Variants in SLC24A3 observed in about 807,000 individuals in gnomAD.
SLC24A3 encodes the protein solute carrier family 24 member 3, also known as sodium/potassium/calcium exchanger 3.
A neutral mutation model predicts 75.8 loss-of-function variants in SLC24A3; 28 were observed. The observed-to-expected ratio is 0.37, with a 90% CI of 0.27 to 0.51. The LOEUF is 0.51. SLC24A3 is among the 20% of genes least tolerant of loss of function. The pLI is 0.94. For missense variants in SLC24A3, 663 were observed against 847.8 expected, an observed-to-expected ratio of 0.78 and a Z score of 2.71; for synonymous variants, 372 against 334.1, an observed-to-expected ratio of 1.11 and a Z score of -1.24.
intron 3 of SLC24A3, among the ~76,000 whole-genome samples, chr20:19,539,382 A>T (rs2030457030): frequency 6.6e-6 from 1 of 152,000 alleles, no homozygotes; most frequent in South Asian, 2.1e-4. Flanking sequence ...GGGTTCCTTC[A>T]CACCTTCCAA....
At chr20:19,469,716 C>T (rs528526342) in intron 2 of SLC24A3, among the ~76,000 whole-genome samples, 47 of 152,318 alleles carry the variant, frequency 3.1e-4, no homozygotes, top group African/African-American at 1.1e-3. Context: ...AATCCATTCT[C>T]GTGCTAGTCT....
At chr20:19,340,056 T>G (rs1372417419) in intron 2 of SLC24A3, among the ~76,000 whole-genome samples, 5 of 152,122 alleles carry the variant, frequency 3.3e-5, no homozygotes, top group Non-Finnish European at 2.9e-5. Flanking sequence ...TTTGGGATGG[T>G]GTTGTGGATT....
At chr20:19,482,066 T>C (rs1440173878) in intron 2 of SLC24A3, among the ~76,000 whole-genome samples, 2 of 152,208 alleles carry the variant, frequency 1.3e-5, no homozygotes, top group African/African-American at 2.4e-5. Flanking sequence ...TGTTGCTTCA[T>C]TGGCCTCCAA....
chr20:19,462,701 C>G lies in SLC24A3; in HGVS notation c.272-52787C>G, dbSNP rs376041633. Among the ~76,000 whole-genome samples the G allele has an allele frequency of 3.9e-4, 60 of 152,190 alleles. 1 individual carries two copies. The East Asian group carries it at 8.3e-3, about 21-fold the overall frequency. ...GGCTTCTGTCCAGCCAGAGAGAGGC[C>G]CAGGACACAGCCGAGGCTTCTCATT... On this transcript the variant is annotated intron_variant, in intron 2 of 16. Transcript: ENST00000328041.
At chr20:19,463,195 CTT>C (rs905692498) in intron 2 of SLC24A3, among the ~76,000 whole-genome samples, 2 of 152,204 alleles carry the variant, frequency 1.3e-5, no homozygotes, top group African/African-American at 2.4e-5. Flanking sequence ...TTAGACTTCT[CTT>C]ATGAGGCACT....
At chr20:19,449,659 TGAGAACTTCTTCCTGG>T (rs1287642016) in intron 2 of SLC24A3, among the ~76,000 whole-genome samples, 1 of 152,166 alleles carries the variant, frequency 6.6e-6, no homozygotes, top group East Asian at 1.9e-4. Context: ...ATGAGATGAA[TGAGAACTTCTTCCTGG>T]GCAGTCATGT....
chr20:19,620,247 A>G (rs1471812334), intron 6 of SLC24A3, among the ~76,000 whole-genome samples: 1 of 152,222 alleles, frequency 6.6e-6, no homozygotes, highest in Non-Finnish European at 1.5e-5. Flanking sequence ...AATAAGATTA[A>G]ACGATTACTC....
chr20:19,329,934 C>T (rs1007983806), intron 2 of SLC24A3, among the ~76,000 whole-genome samples: 2 of 152,148 alleles, frequency 1.3e-5, no homozygotes, highest in African/African-American at 4.8e-5. Flanking sequence ...TTGCTTGTTC[C>T]AGGTTGGAGG....
At chr20:19,438,100 C>T (rs1472815453) in intron 2 of SLC24A3, among the ~76,000 whole-genome samples, 1 of 152,074 alleles carries the variant, frequency 6.6e-6, no homozygotes, top group Non-Finnish European at 1.5e-5. Flanking sequence ...AACCCAGGGC[C>T]CCTGTGTTTT....
intron 6 of SLC24A3, among the ~76,000 whole-genome samples, chr20:19,607,277 C>T (rs2031609471): frequency 6.6e-6 from 1 of 152,156 alleles, no homozygotes; most frequent in South Asian, 2.1e-4. Flanking sequence ...TCTTTTCTCA[C>T]CCCAAATGGT....
chr20:19,331,471 A>C (rs1984998890), intron 2 of SLC24A3, among the ~76,000 whole-genome samples: 1 of 136,460 alleles, frequency 7.3e-6, no homozygotes, highest in Non-Finnish European at 1.5e-5. Flanking sequence ...GAGATAATAG[A>C]TAGAGATAGA....
rs1986381633 is a variant in SLC24A3, at chr20:19,392,355, C to T, written c.271+111268C>T. Among the ~76,000 whole-genome samples, 3 of 152,152 alleles carry T rather than the reference C, an allele frequency of 2.0e-5. No homozygotes were observed. In the South Asian group the frequency reaches 6.2e-4, roughly 32 times the overall value. On this transcript the variant is annotated intron_variant, in intron 2 of 16. Coordinates refer to ENST00000328041, the MANE Select transcript of SLC24A3 (RefSeq NM_020689.4). ...TCAAATGCCTCAAAGCACATGGATT[C>T]CAGCATGTTCTATTAGCGTTTCTTG...
chr20:19,425,913 C>T (rs180907878), intron 2 of SLC24A3, among the ~76,000 whole-genome samples: 41 of 152,272 alleles, frequency 2.7e-4, no homozygotes, highest in African/African-American at 8.7e-4. Flanking sequence ...CTCAGTTTTG[C>T]GCACTTCCAG....
rs564151403 is a variant in SLC24A3 at position 19,216,817 on chromosome 20, A to G, written c.142+3833A>G. Reference sequence around the variant, plus strand: ...AACAGCCACTTAATTTTTTTTGCTTATGGATACTTTGGGTCAGGAATTTGG... The same window carrying G: ...AACAGCCACTTAATTTTTTTTGCTTGTGGATACTTTGGGTCAGGAATTTGG... On this transcript the variant is annotated intron_variant, in intron 1 of 16. Transcript: ENST00000328041. 3.9e-5 allele frequency among the ~76,000 whole-genome samples: 6 copies of G among 152,152 alleles called. No individual in the cohort carries two copies. In the South Asian group the frequency reaches 1.2e-3, roughly 32 times the overall value.
At chr20:19,340,064 A>T (rs1237119741) in intron 2 of SLC24A3, among the ~76,000 whole-genome samples, 2 of 152,154 alleles carry the variant, frequency 1.3e-5, no homozygotes, top group Non-Finnish European at 2.9e-5. Context: ...GGTGTTGTGG[A>T]TTGAATTGTG....
intron 15 of SLC24A3, among the ~76,000 whole-genome samples, chr20:19,715,269 G>A (rs193270081): frequency 3.0e-4 from 45 of 152,294 alleles, no homozygotes; most frequent in African/African-American, 1.1e-3. Flanking sequence ...AGTCTTGTAT[G>A]CTGGCCTCTT....
At chr20:19,473,487 C>CTT (rs1222846958) in intron 2 of SLC24A3, among the ~76,000 whole-genome samples, 4 of 152,242 alleles carry the variant, frequency 2.6e-5, no homozygotes, top group Non-Finnish European at 5.9e-5. Flanking sequence ...GCCTTGAGCA[C>CTT]TTACTGGAAC....
chr20:19,212,830 C>G lies in SLC24A3; in HGVS notation c.-13C>G, dbSNP rs948782727. 44 of 996,856 alleles carry G rather than the reference C, an allele frequency of 4.4e-5. No individual in the cohort carries two copies. The highest frequency in any genetic ancestry group is 5.1e-5 in the Non-Finnish European group (43 of 838,970). The allele number at this position is 996,856 out of a possible 1,614,324, so 61.8% of individuals were successfully genotyped here. A position where few individuals can be genotyped will look rare whatever the true frequency, so the allele number is the denominator to read the frequency against. ...GCCGCCGCCCGCCGAGGCCGCCGCC[C>G]GGCCGCCCGAGGATGCGGCCGTCCG... is the stretch of plus-strand genomic sequence containing the variant. On this transcript the variant is annotated 5_prime_UTR_variant, in exon 1 of 17. Coordinates refer to ENST00000328041, the MANE Select transcript of SLC24A3 (RefSeq NM_020689.4).
chr20:19,635,866 C>T (rs546772882), intron 6 of SLC24A3, among the ~76,000 whole-genome samples: 5 of 152,240 alleles, frequency 3.3e-5, no homozygotes, highest in Admixed American at 6.5e-5. Flanking sequence ...TCAGGCCAGG[C>T]GCGGTGGCTT....
Sources: allele counts gnomAD v4.1 joint callset (sites outside exome capture counted in the v4.1 genomes callset), GRCh38; gene constraint gnomAD v4.1.1; transcripts MANE v1.5; gene names NCBI Gene and HGNC (gene_info 2026-07-23, HGNC 2026-07-21).